Variants in ABCB11 observed in about 807,000 individuals in gnomAD.
ABCB11 encodes bile salt export pump.
ABCB11 carries 95 observed loss-of-function variants against 148.0 expected under a neutral mutation model. That is an observed-to-expected ratio of 0.64 (90% CI 0.54 to 0.76). The LOEUF (loss-of-function observed/expected upper bound fraction) is 0.76. Among genes scored for constraint, ABCB11 ranks in the 30% least tolerant of loss-of-function variants. The probability of loss-of-function intolerance (pLI) is 0.00; values close to 1 mark genes in which losing one functional copy is unlikely to be tolerated. For synonymous variants in ABCB11, 591 were observed against 555.4 expected (o/e 1.06, Z -0.90); for missense variants, 1,523 against 1,617.8 (o/e 0.94, Z 1.01).
At position 168,981,790 on chromosome 2, in the gene ABCB11, A is replaced by G. The variant is rs535004255; in HGVS notation, c.1084-1811T>C. Among the ~76,000 whole-genome samples the G allele has an allele frequency of 3.3e-5, 5 of 152,296 alleles. No individual in the cohort carries two copies. In the East Asian group the frequency reaches 7.7e-4, roughly 24 times the overall value. Reference sequence around the variant, plus strand: ...TTCAGGCCATATGGGCTCTGAAGTAATTACTCAGTTCTGCCATGTAGTATA... The same window carrying G: ...TTCAGGCCATATGGGCTCTGAAGTAGTTACTCAGTTCTGCCATGTAGTATA... On this transcript the variant is annotated intron_variant, in intron 10 of 27. Coordinates refer to ENST00000650372, the MANE Select transcript of ABCB11 (RefSeq NM_003742.4).
At chr2:168,992,410 C>T (rs1694560255) in intron 8 of ABCB11, among the ~76,000 whole-genome samples, 1 of 141,052 alleles carries the variant, frequency 7.1e-6, no homozygotes, top group Non-Finnish European at 1.5e-5. Flanking sequence ...TTAGTGTATT[C>T]AGAAAAAAAA....
intron 21 of ABCB11, among the ~76,000 whole-genome samples, chr2:168,941,158 T>G (rs1032065836): frequency 2.6e-5 from 4 of 152,066 alleles, no homozygotes; most frequent in Admixed American, 6.6e-5. Context: ...AAGTAACATT[T>G]TACAAGGCTA....
rs1024729125 is a variant in ABCB11 at position 169,030,669 on chromosome 2, C to A, written c.-28+556G>T. Among the ~76,000 whole-genome samples the A allele has an allele frequency of 2.0e-5, 3 of 152,144 alleles. No homozygotes were observed. In the East Asian group the frequency reaches 5.8e-4, roughly 29 times the overall value. On this transcript the variant is annotated intron_variant, in intron 1 of 27. Coordinates refer to ENST00000650372, the MANE Select transcript of ABCB11 (RefSeq NM_003742.4). ...GGTGACCTAAAAACTGAAATTAGAT[C>A]CTAGAAACAAACTTTCTCCCCTCTA...
At chr2:168,963,756 G>C (rs1574438626) in intron 18 of ABCB11, among the ~76,000 whole-genome samples, 1 of 151,720 alleles carries the variant, frequency 6.6e-6, no homozygotes, top group Non-Finnish European at 1.5e-5. Context: ...TGTAATAAGG[G>C]CTAGCCTATT....
At chr2:169,007,672 A>T (rs1045867775) in intron 5 of ABCB11, among the ~76,000 whole-genome samples, 8 of 152,222 alleles carry the variant, frequency 5.3e-5, no homozygotes, top group African/African-American at 1.9e-4. Context: ...TAAACTAGAC[A>T]TCACCAAAAT....
chr2:169,016,284 C>T (rs1191792753), intron 3 of ABCB11, among the ~76,000 whole-genome samples: 1 of 152,216 alleles, frequency 6.6e-6, no homozygotes, highest in Non-Finnish European at 1.5e-5. Context: ...ACCACCTCCA[C>T]TTCAGGAACT....
chr2:169,001,278 C>T (rs751389233), intron 5 of ABCB11, among the ~76,000 whole-genome samples: 7 of 152,168 alleles, frequency 4.6e-5, no homozygotes, highest in Admixed American at 6.6e-5. Flanking sequence ...TTTGTTACTA[C>T]GCACTCCCTT....
At chr2:168,946,362 CT>C (rs971538492) in intron 19 of ABCB11, among the ~76,000 whole-genome samples, 1 of 151,432 alleles carries the variant, frequency 6.6e-6, no homozygotes, top group African/African-American at 2.4e-5. Flanking sequence ...TTAACAAATC[CT>C]TTTTTTTGTA....
rs1693593913 is a variant in ABCB11, at chr2:168,971,887, T to C, written c.1598A>G (p.Lys533Arg). 2 of 1,613,062 alleles carry C rather than the reference T, an allele frequency of 1.2e-6. No homozygotes were observed. The change falls in exon 14 of 28, where the codon AAG (lysine) becomes AGG (arginine). Residue 533 changes from lysine to arginine, a missense_variant. Coordinates refer to ENST00000650372, the MANE Select transcript of ABCB11 (RefSeq NM_003742.4). ...GATGAAGTTGTAGGCATTGGCCTCC[T>C]TGGCAGCTTGGACTATGTCTTCCAT... ...ATMEDIVQAA[K>R]EANAYNFIMD...
chr2:168,961,119 C>G (rs1693056349), intron 18 of ABCB11, among the ~76,000 whole-genome samples: 1 of 151,660 alleles, frequency 6.6e-6, no homozygotes, highest in Non-Finnish European at 1.5e-5. Flanking sequence ...ATGAATGAAA[C>G]TTTTATGTCC....
chr2:168,966,137 G>T (rs1369008957), intron 17 of ABCB11, among the ~76,000 whole-genome samples: 1 of 151,856 alleles, frequency 6.6e-6, no homozygotes, highest in African/African-American at 2.4e-5. Context: ...GGTAACAGAG[G>T]TCAGGATGTC....
At chr2:169,010,109 C>T (rs1489756654) in intron 5 of ABCB11, among the ~76,000 whole-genome samples, 1 of 152,172 alleles carries the variant, frequency 6.6e-6, no homozygotes, top group Admixed American at 6.5e-5. Context: ...CTTGTTTAGA[C>T]TCCTTCCAAA....
chr2:169,014,251 A>G, intron 4 of ABCB11, 52 bp downstream of exon 4: 1 of 1,558,574 alleles, frequency 6.4e-7, no homozygotes, highest in Non-Finnish European at 8.9e-7. Context: ...CTCATGATCT[A>G]AACAATTTAT....
In ABCB11 at chr2:168,927,266, T is replaced by A. The variant is rs199762750; in HGVS notation, c.3508A>T (p.Ile1170Leu). 41 of 1,613,928 alleles carry A rather than the reference T, an allele frequency of 2.5e-5. No homozygotes were observed. Among genetic ancestry groups the A allele is most frequent in the Non-Finnish European group, 3.3e-5 (39 of 1,179,800 alleles). Residue 1170 changes from isoleucine (I) to leucine (L), a missense_variant, in exon 26 of 28, where the codon ATA becomes TTA. By Grantham distance (5) the Ile-to-Leu change is conservative (BLOSUM62 2). Transcript: ENST00000650372. ...TCTCCATACTTGATATTGTCCATTA[T>A]GCTACAGGCAAACAACACTGGTTCC... ...SQEPVLFACS[I>L]MDNIKYGDNT...
At chr2:168,936,118 C>G in intron 22 of ABCB11, 112 bp downstream of exon 22, 1 of 1,063,416 alleles carries the variant, frequency 9.4e-7, no homozygotes, top group East Asian at 2.6e-5. Context: ...TTAAGTGTGC[C>G]TGTCTTGTGG....
At chr2:168,973,606 T>G (rs1223551134) in intron 13 of ABCB11, 109 bp downstream of exon 13, 2 of 1,330,946 alleles carry the variant, frequency 1.5e-6, no homozygotes, top group Non-Finnish European at 2.1e-6. Context: ...AAGTTAACTA[T>G]GCATGCCAGG....
chr2:168,978,609 G>A (rs571320563), intron 11 of ABCB11, among the ~76,000 whole-genome samples: 2 of 152,046 alleles, frequency 1.3e-5, no homozygotes, highest in East Asian at 3.9e-4. Flanking sequence ...CAGGGAGCCC[G>A]CAAATCACCT....
At position 168,971,972 on chromosome 2, in the gene ABCB11, G is replaced by A. The variant is rs1264774305; in HGVS notation, c.1513C>T (p.Pro505Ser). The A allele has an allele frequency of 6.2e-7, 1 of 1,612,986 alleles. No homozygotes were observed. Among genetic ancestry groups the A allele is most frequent in the Non-Finnish European group, 8.5e-7 (1 of 1,179,390 alleles). Residue 505 changes from proline to serine, a missense_variant, in exon 14 of 28, where the codon CCA becomes TCA. By Grantham distance (74) the Pro-to-Ser change is moderately conservative. Coordinates refer to ENST00000650372, the MANE Select transcript of ABCB11 (RefSeq NM_003742.4). ...GCAATGGTGGTAGAGAACAGAACTG[G>A]CTCTTGCTCCACTATCCCAATCTGA... ...RDQIGIVEQE[P>S]VLFSTTIAEN...
chr2:168,996,559 G>T, intron 6 of ABCB11, 76 bp downstream of exon 6: 1 of 811,718 alleles, frequency 1.2e-6, no homozygotes, highest in South Asian at 2.7e-5. Flanking sequence ...CTTAAAGAGT[G>T]GCAACACATT....
Sources: allele counts gnomAD v4.1 joint callset (sites outside exome capture counted in the v4.1 genomes callset), GRCh38; gene constraint gnomAD v4.1.1; transcripts MANE v1.5; gene names NCBI Gene and HGNC (gene_info 2026-07-23, HGNC 2026-07-21).